PPP2R1B: variants seen among roughly 807,000 people sequenced by gnomAD.
PPP2R1B encodes serine/threonine-protein phosphatase 2A 65 kDa regulatory subunit A beta isoform.
Under a neutral mutation model 72.7 loss-of-function variants are expected in PPP2R1B, and 58 were observed. That is an observed-to-expected ratio of 0.80 (90% CI 0.65 to 0.99). PPP2R1B has a LOEUF of 0.99. PPP2R1B is among the 50% of genes least tolerant of loss of function. PPP2R1B has a pLI of 0.00. For synonymous variants in PPP2R1B, 256 were observed against 264.6 expected (o/e 0.97, Z 0.32); for missense variants, 695 against 733.6 (o/e 0.95, Z 0.61).
chr11:111,722,200 CTTCT>C (rs1263685496), downstream of PPP2R1B, among the ~76,000 whole-genome samples: 2 of 152,180 alleles, frequency 1.3e-5, no homozygotes, highest in Non-Finnish European at 2.9e-5. This position sits in a 1 kb window ranked among gnomAD's most constrained non-coding sequence, Gnocchi z 4.4. Context: ...GGAGACCTGG[CTTCT>C]TTCTTTCTAA....
intron 1 of PPP2R1B, chr11:111,765,872 G>A: frequency 4.1e-6 from 2 of 487,276 alleles, no homozygotes; most frequent in Non-Finnish European, 8.1e-6. Context: ...GGCATCCTGC[G>A]CCCCTCAGCC....
rs70937059 is a variant in PPP2R1B at position 111,738,699 on chromosome 11, C to T, written c.*2897G>A. 6.3e-5 allele frequency: 62 copies of T among 985,450 alleles called. No individual in the cohort carries two copies. The East Asian group carries it at 5.9e-3, about 94-fold the overall frequency. The allele number at this position is 985,450 out of a possible 1,614,324, so 61.0% of individuals were successfully genotyped here. On this transcript the variant is annotated 3_prime_UTR_variant, in exon 15 of 15. Transcript: ENST00000527614. ...GACCTCGTTAGAAACCACATATTCA[C>T]CTGCCTTCCTTCTTATGAAACAAGA...
downstream of PPP2R1B, chr11:111,722,847 C>T (rs2135977474): frequency 8.4e-7 from 1 of 1,194,606 alleles, no homozygotes; most frequent in Non-Finnish European, 1.2e-6. The surrounding 1 kb of genome is among the most constrained non-coding windows in gnomAD (Gnocchi z 4.4). Context: ...TCACATTCGC[C>T]ACTACTAGGA....
the PPP2R1B span, among the ~76,000 whole-genome samples, chr11:111,713,233 G>C: frequency 4.5e-3 from 688 of 152,268 alleles, 3 homozygotes; most frequent in African/African-American, 0.015. Flanking sequence ...GGATACAGAA[G>C]ATGACAGCTT....
chr11:111,740,305 C>A lies in PPP2R1B; in HGVS notation c.*1291G>T, dbSNP rs145029317. 8.3e-3 allele frequency: 7,498 copies of A among 899,936 alleles called. 42 individuals carry two copies. The highest frequency in any genetic ancestry group is 0.025 in the Middle Eastern group (44 of 1,748). The allele number at this position is 899,936 out of a possible 1,614,324, so 55.7% of individuals were successfully genotyped here. A position where few individuals can be genotyped will look rare whatever the true frequency, so the allele number is the denominator to read the frequency against. On this transcript the variant is annotated 3_prime_UTR_variant, in exon 15 of 15. Transcript: ENST00000527614. ...CGATCTCGGCTCAGTGCAACCTCTA[C>A]CTCCCAGGTTCAAGCAATTCTCCTG...
downstream of PPP2R1B, chr11:111,722,896 C>T (rs552886627): frequency 3.6e-5 from 25 of 702,388 alleles, 1 homozygote; most frequent in Middle Eastern, 7.5e-4. The surrounding 1 kb of genome is among the most constrained non-coding windows in gnomAD (Gnocchi z 4.4). Context: ...CCTCTGAGCA[C>T]GATTACTAAG....
chr11:111,694,221 T>A, the PPP2R1B span, among the ~76,000 whole-genome samples: 2 of 152,188 alleles, frequency 1.3e-5, no homozygotes, highest in Non-Finnish European at 2.9e-5. Flanking sequence ...CATATAACCC[T>A]CTCGGCATGT....
rs755815774 is a variant in PPP2R1B at position 111,743,404 on chromosome 11, T to G, written c.1526A>C (p.His509Pro). The change falls in exon 12 of 15, where the codon CAT becomes CCT. Residue 509 changes from histidine to proline, a missense_variant. By Grantham distance (77) the His-to-Pro change is moderately conservative (BLOSUM62 -2). Transcript: ENST00000527614. ...AATGCAGAATAAAGTGGTCATTCTA[T>G]GCAAGTAATTAGGATCATTTGCCAT... ...LVMANDPNYLHRMTTLFCINA... is the reference protein window; with the variant it reads ...LVMANDPNYLPRMTTLFCINA... 1 of 1,612,844 alleles carries G rather than the reference T, an allele frequency of 6.2e-7. No individual in the cohort carries two copies. Among genetic ancestry groups the G allele is most frequent in the Admixed American group, 1.7e-5 (1 of 59,984 alleles).
chr11:111,722,845 G>T, downstream of PPP2R1B: 1 of 1,201,222 alleles, frequency 8.3e-7, no homozygotes, highest in South Asian at 1.3e-5. This position sits in a 1 kb window ranked among gnomAD's most constrained non-coding sequence, Gnocchi z 4.4. Flanking sequence ...TCTCACATTC[G>T]CCACTACTAG....
downstream of PPP2R1B, among the ~76,000 whole-genome samples, chr11:111,734,954 G>GAAC (rs1565420684): frequency 6.6e-6 from 1 of 152,224 alleles, no homozygotes; most frequent in Non-Finnish European, 1.5e-5. Context: ...CTCAGGCCCA[G>GAAC]AACAGCCTGG....
the PPP2R1B span, chr11:111,719,650 A>C: frequency 5.4e-6 from 5 of 924,392 alleles, no homozygotes; most frequent in Non-Finnish European, 8.3e-6. Flanking sequence ...TGCATAATAA[A>C]TATGTGCATG....
the PPP2R1B span, among the ~76,000 whole-genome samples, chr11:111,715,518 T>C: frequency 1.3e-5 from 2 of 152,220 alleles, no homozygotes; most frequent in African/African-American, 4.8e-5. Context: ...AAATCTTCAG[T>C]GCTTAAAATT....
the PPP2R1B span, chr11:111,703,484 C>G: frequency 6.8e-7 from 1 of 1,464,724 alleles, no homozygotes; most frequent in Admixed American, 1.7e-5. Context: ...TTCATGCTCA[C>G]ACCTGTCATC....
the PPP2R1B span, among the ~76,000 whole-genome samples, chr11:111,691,940 G>A: frequency 6.6e-6 from 1 of 152,128 alleles, no homozygotes; most frequent in Non-Finnish European, 1.5e-5. Context: ...TGTTTTCAGG[G>A]ACATGAGGCT....
downstream of PPP2R1B, among the ~76,000 whole-genome samples, chr11:111,736,448 CT>C (rs1944343341): frequency 6.6e-6 from 1 of 152,214 alleles, no homozygotes; most frequent in African/African-American, 2.4e-5. Context: ...ACTCCCACTC[CT>C]TCAGCCAAGC....
chr11:111,766,357 G>A lies in PPP2R1B; in HGVS notation c.5C>T (p.Ala2Val), dbSNP rs1555053248. The A allele has an allele frequency of 7.0e-7, 1 of 1,422,502 alleles. No individual in the cohort carries two copies. The highest frequency in any genetic ancestry group is 9.3e-7 in the Non-Finnish European group (1 of 1,072,864). The allele number at this position is 1,422,502 out of a possible 1,614,324, so 88.1% of individuals were successfully genotyped here. The change falls in exon 1 of 15, where the codon GCG (alanine) becomes GTG (valine). Residue 2 changes from alanine to valine, a missense_variant. Transcript: ENST00000527614. Reference sequence around the variant, plus strand: ...GCCGGTCCCGAGCTCTGATGCGCCCGCCATGTTCTTTCTCCTCCTGCTGCT... The same window carrying A: ...GCCGGTCCCGAGCTCTGATGCGCCCACCATGTTCTTTCTCCTCCTGCTGCT... MAGASELGTGPG... is the reference protein window; with the variant it reads MVGASELGTGPG...
At chr11:111,764,769 T>A (rs782267465) in intron 3 of PPP2R1B, 36 bp downstream of exon 3, 1 of 1,599,844 alleles carries the variant, frequency 6.3e-7, no homozygotes, top group Non-Finnish European at 8.6e-7. Context: ...ACTGCAAAAG[T>A]TGTAGAAGGA....
the PPP2R1B span, chr11:111,721,763 C>T: frequency 4.0e-6 from 5 of 1,251,938 alleles, no homozygotes; most frequent in Middle Eastern, 1.9e-4. Flanking sequence ...AAAGGTGCTT[C>T]AGCTAAGAAC....
chr11:111,755,320 T>G lies in PPP2R1B; in HGVS notation c.818A>C (p.Tyr273Ser). 6.2e-7 allele frequency: 1 copy of G among 1,610,978 alleles called. No homozygotes were observed. The highest frequency in any genetic ancestry group is 8.5e-7 in the Non-Finnish European group (1 of 1,179,290). ...AAEDKSWRVRYMVADRFSELQ... is the reference protein window; with the variant it reads ...AAEDKSWRVRSMVADRFSELQ... ...CTCTGAAAATCTGTCAGCCACCATA[T>G]AGCGAACGCGCCAAGATTTATCTTC... The change falls in exon 6 of 15, where the codon TAT (tyrosine) becomes TCT (serine). Residue 273 changes from tyrosine to serine, a missense_variant. Coordinates refer to ENST00000527614, the MANE Select transcript of PPP2R1B (RefSeq NM_002716.5).
Sources: allele counts gnomAD v4.1 joint callset (sites outside exome capture counted in the v4.1 genomes callset), GRCh38; gene constraint gnomAD v4.1.1; non-coding constraint Gnocchi (gnomAD v3.1); transcripts MANE v1.5; gene names NCBI Gene and HGNC (gene_info 2026-07-23, HGNC 2026-07-21).